ACSBG1: variants seen among roughly 807,000 people sequenced by gnomAD.
ACSBG1 encodes the protein long-chain-fatty-acid--CoA ligase ACSBG1.
In ACSBG1, 39 loss-of-function variants were observed where a neutral mutation model predicts 80.2. The observed-to-expected ratio is 0.49, with a 90% CI of 0.38 to 0.64. The LOEUF is 0.64. Ranked by LOEUF, ACSBG1 falls within the 30% of genes least tolerant of loss-of-function variation. ACSBG1 has a pLI of 0.00. For synonymous variants in ACSBG1, 392 were observed against 379.5 expected (o/e 1.03, Z -0.38); for missense variants, 828 against 966.4 (o/e 0.86, Z 1.90).
At chr15:78,222,184 A>C (rs1278944004) in intron 1 of ACSBG1, among the ~76,000 whole-genome samples, 3 of 152,242 alleles carry the variant, frequency 2.0e-5, no homozygotes, top group Non-Finnish European at 4.4e-5. Context: ...TAAGAGAAAG[A>C]AGCCAGTCAC....
intron 2 of ACSBG1, among the ~76,000 whole-genome samples, chr15:78,207,402 G>T (rs1478707216): frequency 6.6e-6 from 1 of 152,114 alleles, no homozygotes; most frequent in African/African-American, 2.4e-5. Flanking sequence ...AATTTCTGTT[G>T]TTGCTACAAT....
chr15:78,232,544 G>A (rs953659872), intron 1 of ACSBG1, among the ~76,000 whole-genome samples: 1 of 152,128 alleles, frequency 6.6e-6, no homozygotes, highest in Non-Finnish European at 1.5e-5. Flanking sequence ...CTGTGGCCCT[G>A]AGCCCCACTT....
chr15:78,168,615 CAACT>C lies in ACSBG1; in HGVS notation c.*2825_*2828del, dbSNP rs1335591418. ...TCGCTTTTATTTAAATATCCATGACCAACTAATCTGGGTTAGGGTCTATTGTGTG... is the reference window on the plus strand; with the variant it reads ...TCGCTTTTATTTAAATATCCATGACCAATCTGGGTTAGGGTCTATTGTGTG... On this transcript the variant is annotated 3_prime_UTR_variant, in exon 14 of 14. Coordinates refer to ENST00000258873, the MANE Select transcript of ACSBG1 (RefSeq NM_015162.5). 1 of 222,514 alleles carries C rather than the reference CAACT, an allele frequency of 4.5e-6. No individual in the cohort carries two copies. Among genetic ancestry groups the C allele is most frequent in the Non-Finnish European group, 8.7e-6 (1 of 114,586 alleles). 13.8% of individuals were successfully genotyped at this position (222,514 alleles called of 1,614,324 possible).
intron 5 of ACSBG1, among the ~76,000 whole-genome samples, chr15:78,184,325 C>A (rs1359786414): frequency 6.6e-6 from 1 of 151,850 alleles, no homozygotes; most frequent in Non-Finnish European, 1.5e-5. Context: ...TTCACACCAC[C>A]ACATGTCGCT....
intron 2 of ACSBG1, among the ~76,000 whole-genome samples, chr15:78,197,719 T>TAAAAA (rs746712543): frequency 2.9e-5 from 3 of 103,366 alleles, no homozygotes; most frequent in Admixed American, 1.1e-4. Flanking sequence ...ACTCTGTCTT[T>TAAAAA]AAAAAAAAAA....
intron 6 of ACSBG1, 37 bp from the exon 7 acceptor site, chr15:78,182,652 G>C: frequency 6.2e-7 from 1 of 1,613,760 alleles, no homozygotes; most frequent in South Asian, 1.1e-5. Flanking sequence ...GGCTAGGTCA[G>C]CTGGGTGGGC....
chr15:78,168,969 A>G lies in ACSBG1; in HGVS notation c.*2475T>C. 6.2e-7 allele frequency: 1 copy of G among 1,603,564 alleles called. No homozygotes were observed. The highest frequency in any genetic ancestry group is 2.2e-5 in the East Asian group (1 of 44,674). ...GCAATGCAAAATGCTCAGACTTCAC[A>G]GAGGAAATCTGTCGCCGAGTAAAAG... On this transcript the variant is annotated 3_prime_UTR_variant, in exon 14 of 14. Transcript: ENST00000258873.
At chr15:78,207,928 A>ACCCC in intron 2 of ACSBG1, 74 bp downstream of exon 2, 4 of 383,788 alleles carry the variant, frequency 1.0e-5, no homozygotes, top group East Asian at 7.0e-5. Flanking sequence ...CCCCCACACC[A>ACCCC]CCCACCCCTC....
intron 5 of ACSBG1, among the ~76,000 whole-genome samples, chr15:78,186,591 C>T (rs1273585616): frequency 2.0e-5 from 3 of 152,142 alleles, no homozygotes; most frequent in African/African-American, 4.8e-5. Flanking sequence ...CATAACGAAA[C>T]AAAGGCAGAA....
intron 5 of ACSBG1, among the ~76,000 whole-genome samples, chr15:78,185,986 T>A (rs2075000226): frequency 6.6e-6 from 1 of 152,190 alleles, no homozygotes; most frequent in Non-Finnish European, 1.5e-5. Context: ...TGTATTGCCA[T>A]CAGACCTGTA....
At position 78,170,458 on chromosome 15, in the gene ACSBG1, TA is replaced by T. The variant is rs2074806280; in HGVS notation, c.*985del. 1 of 152,198 alleles carries T rather than the reference TA, an allele frequency of 6.6e-6. No homozygotes were observed. Among genetic ancestry groups the T allele is most frequent in the South Asian group, 2.1e-4 (1 of 4,830 alleles). The allele number at this position is 152,198 out of a possible 1,614,324, so 9.4% of individuals were successfully genotyped here. A position where few individuals can be genotyped will look rare whatever the true frequency, so the allele number is the denominator to read the frequency against. On this transcript the variant is annotated 3_prime_UTR_variant, in exon 14 of 14. Transcript: ENST00000258873. ...AATCTTAAATGTATTTTCCTTTGTT[TA>T]AGCTGCTGCTTCCTCTGTTTCATTG...
intron 1 of ACSBG1, among the ~76,000 whole-genome samples, chr15:78,229,775 C>G (rs955647174): frequency 6.6e-6 from 1 of 152,138 alleles, no homozygotes; most frequent in Admixed American, 6.5e-5. Context: ...TTCACAAACC[C>G]CAAACCAGGC....
chr15:78,215,784 A>AAGAG (rs1284722394), intron 1 of ACSBG1, among the ~76,000 whole-genome samples: 6 of 136,288 alleles, frequency 4.4e-5, no homozygotes, highest in Admixed American at 7.4e-5. Flanking sequence ...GAAAGAAAGA[A>AAGAG]AGAGAAAGAA....
At chr15:78,195,095 C>G (rs2075101417) in intron 2 of ACSBG1, among the ~76,000 whole-genome samples, 1 of 152,206 alleles carries the variant, frequency 6.6e-6, no homozygotes, top group Non-Finnish European at 1.5e-5. Flanking sequence ...CTGTCTTTCC[C>G]TGCCCTCCTG....
At chr15:78,185,020 G>A (rs1450862840) in intron 5 of ACSBG1, among the ~76,000 whole-genome samples, 3 of 147,436 alleles carry the variant, frequency 2.0e-5, no homozygotes, top group Non-Finnish European at 4.5e-5. Context: ...GAGAGAGAGG[G>A]AGAGAGAGGG....
intron 5 of ACSBG1, 138 bp from the exon 6 acceptor site, chr15:78,182,923 A>G (rs2074964124): frequency 7.2e-6 from 6 of 831,252 alleles, no homozygotes; most frequent in Non-Finnish European, 1.2e-5. Flanking sequence ...CAGCAGGACA[A>G]CTGCCACCCT....
At chr15:78,224,200 C>A (rs1429392062) in intron 1 of ACSBG1, among the ~76,000 whole-genome samples, 1 of 152,162 alleles carries the variant, frequency 6.6e-6, no homozygotes, top group Non-Finnish European at 1.5e-5. Flanking sequence ...GAAAGCAGGT[C>A]TTCCCACTCC....
At chr15:78,185,157 T>C (rs912158423) in intron 5 of ACSBG1, among the ~76,000 whole-genome samples, 3 of 151,298 alleles carry the variant, frequency 2.0e-5, no homozygotes, top group Non-Finnish European at 4.4e-5. Context: ...CGGCTAGAAT[T>C]TGTGAGATAG....
chr15:78,218,410 G>A (rs1259810888), intron 1 of ACSBG1, among the ~76,000 whole-genome samples: 1 of 152,150 alleles, frequency 6.6e-6, no homozygotes, highest in Admixed American at 6.5e-5. Flanking sequence ...GTTTAAAGAG[G>A]AAGATAAAGA....
Sources: allele counts gnomAD v4.1 joint callset (sites outside exome capture counted in the v4.1 genomes callset), GRCh38; gene constraint gnomAD v4.1.1; transcripts MANE v1.5; gene names NCBI Gene and HGNC (gene_info 2026-07-23, HGNC 2026-07-21).